The following ADAM22 variants were observed in gnomAD, a reference collection of about 807,000 sequenced individuals.
The protein encoded by ADAM22 is disintegrin and metalloproteinase domain-containing protein 22.
Under a neutral mutation model 144.6 loss-of-function variants are expected in ADAM22, and 65 were observed. The ratio of observed to expected loss-of-function variants is 0.45; its 90% CI spans 0.37 to 0.55. ADAM22 has a LOEUF of 0.55. Ranked by LOEUF, ADAM22 falls within the 20% of genes least tolerant of loss-of-function variation. ADAM22 has a pLI of 0.00. For missense variants in ADAM22, 974 were observed against 1,184.9 expected (o/e 0.82, Z 2.61); for synonymous variants, 391 against 412.6 (o/e 0.95, Z 0.63).
chr7:88,135,607 C>G (rs933199109), intron 13 of ADAM22, among the ~76,000 whole-genome samples: 13 of 152,110 alleles, frequency 8.5e-5, no homozygotes, highest in Admixed American at 3.9e-4. Context: ...CAAAAATGGT[C>G]AAGAAATTAT....
intron 18 of ADAM22, among the ~76,000 whole-genome samples, chr7:88,150,739 G>A (rs1838097730): frequency 6.6e-6 from 1 of 151,968 alleles, no homozygotes; most frequent in African/African-American, 2.4e-5. Flanking sequence ...ATTTTCAGGG[G>A]CAAGTGTACC....
At chr7:88,113,707 T>TATATATATATATATAC (rs1826847205) in intron 5 of ADAM22, among the ~76,000 whole-genome samples, 5 of 47,252 alleles carry the variant, frequency 1.1e-4, no homozygotes, top group Non-Finnish European at 3.5e-5. Context: ...TAAATAAATA[T>TATATATATATATATAC]ATATATATAT....
intron 3 of ADAM22, among the ~76,000 whole-genome samples, chr7:87,983,029 C>T (rs1221369762): frequency 1.3e-5 from 2 of 151,886 alleles, no homozygotes; most frequent in Non-Finnish European, 2.9e-5. Flanking sequence ...AAAACAATCT[C>T]TTCTGAAGAT....
Position 87,945,828 on chromosome 7 carries a change from T to C in ADAM22, c.246+10642T>C, listed in dbSNP as rs181808768. ...ACGCCCGGCTGAAGCCATTATGTCT[T>C]AGGAAGAACTTTATTGACTTTGGTA... On this transcript the variant is annotated intron_variant, in intron 2 of 31. Coordinates refer to ENST00000413139, the MANE Select transcript of ADAM22 (RefSeq NM_001324418.2). Among the ~76,000 whole-genome samples, 57 of 152,240 alleles carry C rather than the reference T, an allele frequency of 3.7e-4. No individual in the cohort carries two copies. In the East Asian group the frequency reaches 4.4e-3, roughly 12 times the overall value.
At chr7:88,074,508 A>C (rs1813682461) in intron 3 of ADAM22, among the ~76,000 whole-genome samples, 1 of 152,230 alleles carries the variant, frequency 6.6e-6, no homozygotes, top group Non-Finnish European at 1.5e-5. Context: ...TAGACCTGGA[A>C]TTTCAAAGAA....
At chr7:88,109,732 GAA>G (rs113002143) in intron 5 of ADAM22, among the ~76,000 whole-genome samples, 4 of 127,844 alleles carry the variant, frequency 3.1e-5, no homozygotes, top group Admixed American at 1.6e-4. Flanking sequence ...AGAGAGAGAG[GAA>G]AAAAAAAAAA....
In ADAM22 at chr7:88,113,119, CTTTTTTTTTTTTTTTTTT is replaced by C. The variant is rs34323035; in HGVS notation, c.474-1456_474-1439del. Among the ~76,000 whole-genome samples the C allele has an allele frequency of 8.9e-5, 7 of 79,020 alleles. No homozygotes were observed. The East Asian group carries it at 3.8e-3, about 43-fold the overall frequency. 51.8% of individuals were successfully genotyped at this position (79,020 alleles called of 152,430 possible). On this transcript the variant is annotated intron_variant, in intron 5 of 31. Coordinates refer to ENST00000413139, the MANE Select transcript of ADAM22 (RefSeq NM_001324418.2). The stretch of plus-strand genomic sequence containing the variant: ...TTTCTGCATCCCCCCTGCCTGCCCT[CTTTTTTTTTTTTTTTTTT>C]TTTTTTTTGAGACAGGGTCTCACTC...
At chr7:88,102,299 AGATTCT>A (rs1213137361) in intron 4 of ADAM22, among the ~76,000 whole-genome samples, 1 of 152,154 alleles carries the variant, frequency 6.6e-6, no homozygotes, top group Non-Finnish European at 1.5e-5. Context: ...ACCTCCTTGG[AGATTCT>A]GATTCAGCAG....
intron 22 of ADAM22, among the ~76,000 whole-genome samples, chr7:88,159,291 G>C (rs1586322404): frequency 6.6e-6 from 1 of 151,982 alleles, no homozygotes; most frequent in South Asian, 2.1e-4. Context: ...AAAAGGCCAG[G>C]ACCAGACAGA....
intron 2 of ADAM22, among the ~76,000 whole-genome samples, chr7:87,971,488 A>G (rs935903389): frequency 5.9e-5 from 9 of 152,166 alleles, no homozygotes; most frequent in Non-Finnish European, 1.3e-4. Context: ...GACCTCTAGG[A>G]ATCTCTCAAT....
At chr7:88,010,712 T>C (rs370298483) in intron 3 of ADAM22, among the ~76,000 whole-genome samples, 7 of 152,250 alleles carry the variant, frequency 4.6e-5, no homozygotes, top group African/African-American at 9.6e-5. Flanking sequence ...AACATTGTGA[T>C]TGGCATGTGG....
rs565544338 is a variant in ADAM22 at position 88,197,987 on chromosome 7, T to C, written c.*1496T>C. The C allele has an allele frequency of 1.8e-4, 28 of 152,314 alleles. No homozygotes were observed. Among genetic ancestry groups the C allele is most frequent in the African/African-American group, 6.7e-4 (28 of 41,562 alleles). The allele number at this position is 152,314 out of a possible 1,614,324, so 9.4% of individuals were successfully genotyped here. ...TAAAACCAAAGTTTGATAGCTGTTA[T>C]AATGGCAGATCTGTCATTCCAAAAG... On this transcript the variant is annotated 3_prime_UTR_variant, in exon 32 of 32. Transcript: ENST00000413139.
intron 5 of ADAM22, among the ~76,000 whole-genome samples, chr7:88,109,011 C>T (rs1275619900): frequency 2.6e-5 from 4 of 152,098 alleles, no homozygotes; most frequent in African/African-American, 7.2e-5. Flanking sequence ...TGTTTAGCCC[C>T]TTGATATTCT....
At position 88,168,143 on chromosome 7, in the gene ADAM22, C is replaced by T; in HGVS notation, c.2198C>T (p.Ala733Val). 1 of 1,612,834 alleles carries T rather than the reference C, an allele frequency of 6.2e-7. No individual in the cohort carries two copies. Among genetic ancestry groups the T allele is most frequent in the South Asian group, 1.1e-5 (1 of 90,988 alleles). Residue 733 changes from alanine (A) to valine (V), a missense_variant, in exon 25 of 32, where the codon GCT (alanine) becomes GTT (valine). Ala to Val is a moderately conservative substitution (Grantham distance 64). Around this residue, in one of 2 missense-constraint regions of ADAM22, gnomAD observed 734 missense variants for 950.6 expected, o/e 0.77. Coordinates refer to ENST00000413139, the MANE Select transcript of ADAM22 (RefSeq NM_001324418.2). Reference protein sequence around the residue: ...TGITLSGNGVAGTNIIIGIIA... With the variant: ...TGITLSGNGVVGTNIIIGIIA... ...TTCTTTTTTTTCCTCTCAGGTGTTG[C>T]TGGCACCAATATCATAATAGGCATA...
At chr7:87,967,798 A>C (rs1849473439) in intron 2 of ADAM22, among the ~76,000 whole-genome samples, 2 of 106,850 alleles carry the variant, frequency 1.9e-5, no homozygotes, top group African/African-American at 4.3e-5. Context: ...ACAGAGTGAG[A>C]CTCTGTCTCA....
At chr7:87,934,645 C>T in intron 1 of ADAM22, 95 bp downstream of exon 1, 1 of 1,183,762 alleles carries the variant, frequency 8.4e-7, no homozygotes, top group Non-Finnish European at 1.2e-6. Context: ...CCCCATTTCC[C>T]GAGTGCGCGG....
At chr7:87,995,050 C>T (rs1298193245) in intron 3 of ADAM22, among the ~76,000 whole-genome samples, 1 of 152,104 alleles carries the variant, frequency 6.6e-6, no homozygotes, top group Non-Finnish European at 1.5e-5. Flanking sequence ...GATCTCCTGA[C>T]CTCGTGATCC....
At chr7:88,018,957 A>C (rs936158045) in intron 3 of ADAM22, among the ~76,000 whole-genome samples, 1 of 152,178 alleles carries the variant, frequency 6.6e-6, no homozygotes, top group African/African-American at 2.4e-5. Context: ...TATGAGCTCT[A>C]TAGCTTTTTT....
chr7:87,979,195 A>G (rs1415602398), intron 3 of ADAM22, among the ~76,000 whole-genome samples: 3 of 152,166 alleles, frequency 2.0e-5, no homozygotes, highest in African/African-American at 7.2e-5. Context: ...AGAAATTCAG[A>G]CAAATAGACT....
Sources: allele counts gnomAD v4.1 joint callset (sites outside exome capture counted in the v4.1 genomes callset), GRCh38; gene constraint gnomAD v4.1.1; regional missense constraint gnomAD v4.1.1; transcripts MANE v1.5; gene names NCBI Gene and HGNC (gene_info 2026-07-23, HGNC 2026-07-21).